Variants in FAM167A observed in about 807,000 individuals in gnomAD.
The protein encoded by FAM167A is family with sequence similarity 167 member A.
A neutral mutation model predicts 14.9 loss-of-function variants in FAM167A; 23 were observed. The observed-to-expected ratio is 1.55, with a 90% CI of 1.11 to 2.19. FAM167A has a LOEUF of 2.19. FAM167A is among the 30% of genes most tolerant of loss of function. The pLI, the probability that FAM167A is intolerant of heterozygous loss-of-function variation, is 0.00. For missense variants in FAM167A, 401 were observed against 281.5 expected, an observed-to-expected ratio of 1.42 and a Z score of -3.04; for synonymous variants, 174 against 117.7, an observed-to-expected ratio of 1.48 and a Z score of -3.10.
chr8:11,452,663 C>T (rs1408683708), intron 1 of FAM167A, among the ~76,000 whole-genome samples: 1 of 152,214 alleles, frequency 6.6e-6, no homozygotes, highest in Non-Finnish European at 1.5e-5. Flanking sequence ...CTATTCAAAT[C>T]CCCATTTTAC....
chr8:11,467,569 A>T (rs1029224877), upstream of FAM167A: 14 of 152,346 alleles, frequency 9.2e-5, no homozygotes, highest in African/African-American at 3.4e-4. Context: ...AGCGTCTTTC[A>T]AAGGGCTCCA....
intron 1 of FAM167A, among the ~76,000 whole-genome samples, chr8:11,465,516 G>A (rs9644687): frequency 0.3 from 45,029 of 152,172 alleles, 7,476 homozygotes; most frequent in East Asian, 0.64. Flanking sequence ...ACTCAAGAAA[G>A]AAGAGCTGTC....
Position 11,464,888 on chromosome 8 carries a change from T to A in FAM167A, c.-398+1738A>T, listed in dbSNP as rs865934259. Among the ~76,000 whole-genome samples the A allele has an allele frequency of 1.8e-4, 28 of 152,238 alleles. No homozygotes were observed. The Middle Eastern group carries it at 0.01, about 55-fold the overall frequency. On this transcript the variant is annotated intron_variant, in intron 1 of 2. Coordinates refer to ENST00000284486, the MANE Select transcript of FAM167A (RefSeq NM_053279.3). ...GCAAATAGTTAGGCATGGCCTTAAT[T>A]TATTTCCCTGCCAGAGTTCCTCCTG... is the stretch of plus-strand genomic sequence containing the variant.
intron 1 of FAM167A, among the ~76,000 whole-genome samples, chr8:11,462,959 C>G (rs1807597850): frequency 6.6e-6 from 1 of 152,130 alleles, no homozygotes. Flanking sequence ...ACTCTTGACT[C>G]AGGAAAGAGC....
chr8:11,452,341 G>A (rs548443063), intron 1 of FAM167A, among the ~76,000 whole-genome samples: 1 of 152,368 alleles, frequency 6.6e-6, no homozygotes, highest in African/African-American at 2.4e-5. Context: ...ATGGATACAT[G>A]CTGGGTCATG....
At chr8:11,452,985 C>T (rs1345759972) in intron 1 of FAM167A, among the ~76,000 whole-genome samples, 1 of 152,102 alleles carries the variant, frequency 6.6e-6, no homozygotes, top group Non-Finnish European at 1.5e-5. Context: ...GGGGTGATCT[C>T]CCCCCTCTGT....
intron 1 of FAM167A, among the ~76,000 whole-genome samples, chr8:11,466,262 G>A (rs1192820282): frequency 1.3e-5 from 2 of 152,326 alleles, no homozygotes; most frequent in African/African-American, 4.8e-5. Flanking sequence ...GGGCTTGGAG[G>A]TCACCAGCCG....
At chr8:11,469,306 A>G (rs776141032), upstream of FAM167A, among the ~76,000 whole-genome samples, 6 of 152,212 alleles carry the variant, frequency 3.9e-5, no homozygotes, top group Non-Finnish European at 5.9e-5. Flanking sequence ...TCTACAATGA[A>G]TCGTTTTGTA....
chr8:11,465,066 A>C (rs1311089867), intron 1 of FAM167A, among the ~76,000 whole-genome samples: 1 of 152,148 alleles, frequency 6.6e-6, no homozygotes, highest in Non-Finnish European at 1.5e-5. Context: ...GTGGGGGAGC[A>C]ACCCTTTCTT....
intron 1 of FAM167A, among the ~76,000 whole-genome samples, chr8:11,457,474 G>A (rs1233167110): frequency 6.6e-6 from 1 of 151,896 alleles, no homozygotes; most frequent in Non-Finnish European, 1.5e-5. Flanking sequence ...TCGCCTTCCT[G>A]GTGCTTCCGG....
At chr8:11,456,177 T>TATCA (rs1807280536) in intron 1 of FAM167A, among the ~76,000 whole-genome samples, 8 of 89,406 alleles carry the variant, frequency 8.9e-5, no homozygotes, top group Admixed American at 2.5e-4. Flanking sequence ...CCTTGCTGTG[T>TATCA]GTGTGTGTGA....
upstream of FAM167A, among the ~76,000 whole-genome samples, chr8:11,468,606 C>T (rs1807859517): frequency 1.3e-5 from 2 of 152,218 alleles, no homozygotes; most frequent in South Asian, 2.1e-4. Flanking sequence ...CTGACCACAG[C>T]CCCGGTGCTG....
chr8:11,428,564 A>C (rs1257337636), intron 2 of FAM167A, among the ~76,000 whole-genome samples: 2 of 152,206 alleles, frequency 1.3e-5, no homozygotes, highest in Admixed American at 1.3e-4. Context: ...GGGAATTGCA[A>C]CTTCCTCAGT....
chr8:11,422,886 T>C lies in FAM167A; in HGVS notation c.*1487A>G, dbSNP rs1563351221. Reference sequence around the variant, plus strand: ...GTGCCTTGCTCCACCTTGACCCAAATGTTCTGAATTGCAATACTCTGGGAG... The same window carrying C: ...GTGCCTTGCTCCACCTTGACCCAAACGTTCTGAATTGCAATACTCTGGGAG... On this transcript the variant is annotated 3_prime_UTR_variant, in exon 3 of 3. Transcript: ENST00000284486. 6.6e-6 allele frequency: 1 copy of C among 152,542 alleles called. No individual in the cohort carries two copies. The highest frequency in any genetic ancestry group is 6.6e-5 in the Admixed American group (1 of 15,262). 9.4% of individuals were successfully genotyped at this position (152,542 alleles called of 1,614,324 possible).
chr8:11,438,161 A>T (rs1438167390), intron 2 of FAM167A: 1 of 455,346 alleles, frequency 2.2e-6, no homozygotes, highest in South Asian at 1.6e-5. Flanking sequence ...GGATGAAAAG[A>T]CTTCCGCCTG....
intron 1 of FAM167A, among the ~76,000 whole-genome samples, chr8:11,454,972 G>A (rs1028511859): frequency 1.3e-5 from 2 of 151,218 alleles, no homozygotes; most frequent in Admixed American, 1.3e-4. Context: ...GGACCCTGCT[G>A]TCTAGCCCTG....
chr8:11,444,491 C>A lies in FAM167A; in HGVS notation c.-80G>T. On this transcript the variant is annotated 5_prime_UTR_variant, in exon 2 of 3. Transcript: ENST00000284486. ...GGCTTGGTGGGTGGCACAGTTGGGT[C>A]CCGCTCTGGGATGGCCTCATCCAGG... The A allele has an allele frequency of 6.7e-7, 1 of 1,494,890 alleles. No homozygotes were observed. Among genetic ancestry groups the A allele is most frequent in the Non-Finnish European group, 8.9e-7 (1 of 1,128,230 alleles). The allele number at this position is 1,494,890 out of a possible 1,614,324, so 92.6% of individuals were successfully genotyped here.
At chr8:11,430,056 G>T (rs545612830) in intron 2 of FAM167A, among the ~76,000 whole-genome samples, 1 of 152,152 alleles carries the variant, frequency 6.6e-6, no homozygotes, top group Non-Finnish European at 1.5e-5. Context: ...TGAAAAGCTG[G>T]CCAGGGTGAC....
At chr8:11,426,680 T>C (rs1473563924) in intron 2 of FAM167A, among the ~76,000 whole-genome samples, 1 of 152,114 alleles carries the variant, frequency 6.6e-6, no homozygotes, top group Non-Finnish European at 1.5e-5. Flanking sequence ...GAGGAAGAAA[T>C]TTTTTAAAGG....
Sources: allele counts gnomAD v4.1 joint callset (sites outside exome capture counted in the v4.1 genomes callset), GRCh38; gene constraint gnomAD v4.1.1; transcripts MANE v1.5; gene names NCBI Gene and HGNC (gene_info 2026-07-23, HGNC 2026-07-21).